KCNJ15: variants seen among roughly 807,000 people sequenced by gnomAD.
The protein encoded by KCNJ15 is potassium inwardly rectifying channel subfamily J member 15, also known as ATP-sensitive inward rectifier potassium channel 15.
In KCNJ15, 14 loss-of-function variants were observed where a neutral mutation model predicts 23.0. That is an observed-to-expected ratio of 0.61 (90% CI 0.40 to 0.95). The LOEUF (loss-of-function observed/expected upper bound fraction) is 0.95, where lower values mean the gene tolerates loss of function less well. KCNJ15 is among the 40% of genes least tolerant of loss of function. KCNJ15 has a pLI of 0.00. For missense variants in KCNJ15, 388 were observed against 461.8 expected (o/e 0.84, Z 1.46); for synonymous variants, 185 against 183.2 (o/e 1.01, Z -0.08).
intron 1 of KCNJ15, among the ~76,000 whole-genome samples, chr21:38,283,546 T>C (rs1387703414): frequency 6.6e-6 from 1 of 152,234 alleles, no homozygotes; most frequent in African/African-American, 2.4e-5. Flanking sequence ...ACCATTCCTA[T>C]ATTGTTGGTG....
At chr21:38,289,739 GA>G (rs1984384466) in intron 1 of KCNJ15, among the ~76,000 whole-genome samples, 3 of 151,988 alleles carry the variant, frequency 2.0e-5, no homozygotes, top group East Asian at 3.9e-4. Context: ...TCTCAAAAAA[GA>G]AAAAAAGAAA....
At chr21:38,262,207 AT>A (rs1381970178) in intron 1 of KCNJ15, among the ~76,000 whole-genome samples, 1 of 152,174 alleles carries the variant, frequency 6.6e-6, no homozygotes, top group Non-Finnish European at 1.5e-5. Flanking sequence ...AGTTTATGAA[AT>A]TTGTCATCAT....
chr21:38,272,589 A>G (rs1032030030), intron 1 of KCNJ15: 4 of 152,252 alleles, frequency 2.6e-5, no homozygotes, highest in Non-Finnish European at 4.4e-5. Flanking sequence ...GTAGCTGATC[A>G]ATCAGGGTAG....
intron 1 of KCNJ15, among the ~76,000 whole-genome samples, chr21:38,279,461 A>G (rs1569004776): frequency 1.3e-5 from 2 of 152,186 alleles, no homozygotes; most frequent in Non-Finnish European, 2.9e-5. Flanking sequence ...GGAAGAACCT[A>G]CAGATGGAAC....
chr21:38,266,214 C>T (rs1488387083), intron 1 of KCNJ15, among the ~76,000 whole-genome samples: 1 of 152,050 alleles, frequency 6.6e-6, no homozygotes, highest in Admixed American at 6.5e-5. Flanking sequence ...GGTATACACG[C>T]GCCATGGTGA....
At chr21:38,298,994 A>T (rs1268712534) in intron 2 of KCNJ15, among the ~76,000 whole-genome samples, 1 of 152,226 alleles carries the variant, frequency 6.6e-6, no homozygotes, top group Non-Finnish European at 1.5e-5. Flanking sequence ...GAGGTTAAAT[A>T]GCTTTCTGCA....
chr21:38,293,841 A>G (rs1984872643), intron 1 of KCNJ15, among the ~76,000 whole-genome samples: 1 of 152,268 alleles, frequency 6.6e-6, no homozygotes, highest in Non-Finnish European at 1.5e-5. Context: ...GTTTTCAATG[A>G]ACATGTCTGT....
At chr21:38,276,514 A>G (rs1405604826) in intron 1 of KCNJ15, among the ~76,000 whole-genome samples, 5 of 152,164 alleles carry the variant, frequency 3.3e-5, no homozygotes, top group African/African-American at 1.2e-4. Flanking sequence ...TCCTGTACTC[A>G]TTAACAAAAA....
At chr21:38,244,301 T>C (rs1979219005) in intron 1 of KCNJ15, among the ~76,000 whole-genome samples, 1 of 152,162 alleles carries the variant, frequency 6.6e-6, no homozygotes, top group African/African-American at 2.4e-5. Context: ...CCTCCTTCTC[T>C]CTCTCCCAGG....
chr21:38,246,038 A>G (rs186100098), intron 1 of KCNJ15, among the ~76,000 whole-genome samples: 163 of 152,370 alleles, frequency 1.1e-3, no homozygotes, highest in Non-Finnish European at 1.8e-3. Context: ...AGTAAGAAGA[A>G]TAATACCTGT....
intron 1 of KCNJ15, among the ~76,000 whole-genome samples, chr21:38,292,788 G>A (rs1269392871): frequency 6.6e-6 from 1 of 152,026 alleles, no homozygotes; most frequent in Non-Finnish European, 1.5e-5. Flanking sequence ...GGCCAACATG[G>A]TGAAACCCCA....
At chr21:38,263,413 TAAG>T (rs2123617983) in intron 1 of KCNJ15, among the ~76,000 whole-genome samples, 1 of 152,266 alleles carries the variant, frequency 6.6e-6, no homozygotes, top group Non-Finnish European at 1.5e-5. Flanking sequence ...CTGCAAGAAA[TAAG>T]AAGGTCTGCA....
intron 1 of KCNJ15, among the ~76,000 whole-genome samples, chr21:38,268,676 G>A (rs1981756081): frequency 6.6e-6 from 1 of 151,938 alleles, no homozygotes; most frequent in Admixed American, 6.6e-5. Context: ...TGGTCTCATG[G>A]AAAGAGACTT....
At chr21:38,297,821 A>T (rs8130079) in intron 2 of KCNJ15, among the ~76,000 whole-genome samples, 124,404 of 152,172 alleles carry the variant, frequency 0.82, 51,422 homozygotes, top group African/African-American at 0.95. Context: ...AAAGTCAATT[A>T]CAAGGGGGCA....
chr21:38,249,404 T>C (rs1286645108), intron 1 of KCNJ15, among the ~76,000 whole-genome samples: 1 of 152,154 alleles, frequency 6.6e-6, no homozygotes, highest in African/African-American at 2.4e-5. Context: ...AGAAGGGAAG[T>C]AAGCAGAGGT....
chr21:38,298,085 A>C (rs956111459), intron 2 of KCNJ15: 3 of 152,234 alleles, frequency 2.0e-5, no homozygotes, highest in Non-Finnish European at 4.4e-5. Flanking sequence ...AATGAGGTGA[A>C]GAAAAACATG....
intron 1 of KCNJ15, among the ~76,000 whole-genome samples, chr21:38,265,571 G>C (rs78925486): frequency 2.6e-3 from 398 of 152,224 alleles, no homozygotes; most frequent in Non-Finnish European, 4.7e-3. Flanking sequence ...GAATAGTCAG[G>C]CTTTAACCCT....
chr21:38,278,271 C>A (rs1982950198), intron 1 of KCNJ15, among the ~76,000 whole-genome samples: 1 of 152,168 alleles, frequency 6.6e-6, no homozygotes, highest in Admixed American at 6.5e-5. Flanking sequence ...AGCTTGCATT[C>A]CAGTGGAAGG....
At position 38,307,326 on chromosome 21, in the gene KCNJ15, C is replaced by A. The variant is rs1270476742; in HGVS notation, c.*6937C>A. On this transcript the variant is annotated 3_prime_UTR_variant, in exon 3 of 3. Coordinates refer to ENST00000398938, the MANE Select transcript of KCNJ15 (RefSeq NM_170736.3). ...ATTACTGTAACTTGTGAAACAATGG[C>A]AAACACTATAAAGCTAATTTTACAG... is the stretch of plus-strand genomic sequence containing the variant. 2 of 152,060 alleles carry A rather than the reference C, an allele frequency of 1.3e-5. No individual in the cohort carries two copies. The highest frequency in any genetic ancestry group is 2.4e-5 in the African/African-American group (1 of 41,420). The allele number at this position is 152,060 out of a possible 1,614,324, so 9.4% of individuals were successfully genotyped here.
Sources: gnomAD v4.1 joint callset for allele counts (sites outside exome capture counted in the v4.1 genomes callset) on GRCh38, gnomAD v4.1.1 for gene constraint, MANE v1.5 for transcripts, NCBI Gene and HGNC (gene_info 2026-07-23, HGNC 2026-07-21) for gene names.